The following FMN2 variants were observed in gnomAD, a reference collection of about 807,000 sequenced individuals.
The protein encoded by FMN2 is formin 2.
In FMN2, 51 loss-of-function variants were observed where a neutral mutation model predicts 142.3. The observed-to-expected ratio is 0.36, with a 90% CI of 0.29 to 0.45. The LOEUF (loss-of-function observed/expected upper bound fraction) is 0.45, where lower values mean the gene tolerates loss of function less well. Among genes scored for constraint, FMN2 ranks in the 20% least tolerant of loss-of-function variants. The pLI, the probability that FMN2 is intolerant of heterozygous loss-of-function variation, is 1.00. For missense variants in FMN2, 1,936 were observed against 2,122.8 expected, an observed-to-expected ratio of 0.91 and a Z score of 1.73; for synonymous variants, 882 against 869.8, an observed-to-expected ratio of 1.01 and a Z score of -0.25.
At chr1:240,182,112 G>C (rs1665180577) in intron 3 of FMN2, among the ~76,000 whole-genome samples, 1 of 152,156 alleles carries the variant, frequency 6.6e-6, no homozygotes, top group Non-Finnish European at 1.5e-5. Flanking sequence ...CAAGATTTGA[G>C]GGAGAGTTTT....
rs376593191 is a variant in FMN2, at chr1:240,373,115, T to C, written c.4858+17207T>C. ...AGGAGAATCGCTTGAACCCAGGAGG[T>C]GGAGTTTGCAGTGAGCCGAGATCTC... On this transcript the variant is annotated intron_variant, in intron 14 of 17. Transcript: ENST00000319653. 5.2e-3 allele frequency among the ~76,000 whole-genome samples: 783 copies of C among 149,270 alleles called. 16 individuals carry two copies. The highest frequency in any genetic ancestry group is 0.019 in the African/African-American group (753 of 40,548).
At chr1:240,184,927 TA>T (rs1665340486) in intron 3 of FMN2, among the ~76,000 whole-genome samples, 1 of 115,302 alleles carries the variant, frequency 8.7e-6, no homozygotes, top group Admixed American at 9.8e-5. Context: ...ATGTTCCCTT[TA>T]CTTTCTCCCT....
At chr1:240,363,803 C>T (rs987703739) in intron 14 of FMN2, among the ~76,000 whole-genome samples, 3 of 152,078 alleles carry the variant, frequency 2.0e-5, no homozygotes, top group Non-Finnish European at 4.4e-5. Flanking sequence ...ACCTTGTCCC[C>T]AACCCCTTTG....
chr1:240,332,128 G>T (rs1049824712), intron 11 of FMN2, among the ~76,000 whole-genome samples: 5 of 152,092 alleles, frequency 3.3e-5, no homozygotes, highest in Admixed American at 3.3e-4. Context: ...TTCCAAAATC[G>T]AATAATTCAT....
chr1:240,133,730 A>C (rs17669038), intron 2 of FMN2, among the ~76,000 whole-genome samples: 13,388 of 152,264 alleles, frequency 0.088, 665 homozygotes, highest in South Asian at 0.15. Flanking sequence ...ATAGGATGCT[A>C]TTCAGAGTTA....
intron 6 of FMN2, among the ~76,000 whole-genome samples, chr1:240,256,477 G>T (rs1476268869): frequency 6.6e-6 from 1 of 151,574 alleles, no homozygotes; most frequent in Non-Finnish European, 1.5e-5. Flanking sequence ...AGTGGTTTAT[G>T]CCTGTTATTT....
rs1558452704 is a variant in FMN2 at position 240,361,182 on chromosome 1, T to TTTAATTTATTTAATTTA, written c.4858+5274_4858+5275insTTAATTTATTTAATTTA. 1.4e-4 allele frequency among the ~76,000 whole-genome samples: 14 copies of TTTAATTTATTTAATTTA among 103,484 alleles called. No homozygotes were observed. The East Asian group carries it at 2.9e-3, about 21-fold the overall frequency. The allele number at this position is 103,484 out of a possible 152,430, so 67.9% of individuals were successfully genotyped here. On this transcript the variant is annotated intron_variant, in intron 14 of 17. Transcript: ENST00000319653. ...ATATATATATATATATATATATATATATAAAAGAGTTTAAAGAAGGAAAAA... is the reference window on the plus strand; with the variant it reads ...ATATATATATATATATATATATATATTTAATTTATTTAATTTAATAAAAGAGTTTAAAGAAGGAAAAA...
intron 15 of FMN2, among the ~76,000 whole-genome samples, chr1:240,435,300 CTTTA>C (rs1174357210): frequency 1.3e-5 from 2 of 151,568 alleles, no homozygotes; most frequent in East Asian, 3.9e-4. Flanking sequence ...AATCTATGTG[CTTTA>C]TATAACAGAG....
chr1:240,242,591 C>T (rs1253656965), intron 6 of FMN2, among the ~76,000 whole-genome samples: 1 of 152,164 alleles, frequency 6.6e-6, no homozygotes, highest in Non-Finnish European at 1.5e-5. Context: ...AGACACAGCT[C>T]TCCAAACTGA....
intron 8 of FMN2, among the ~76,000 whole-genome samples, chr1:240,316,829 C>T (rs952208378): frequency 3.3e-5 from 5 of 152,228 alleles, no homozygotes; most frequent in African/African-American, 1.2e-4. Flanking sequence ...ATGATAGCAT[C>T]TTATAAAACT....
intron 14 of FMN2, among the ~76,000 whole-genome samples, chr1:240,357,748 C>T (rs948293640): frequency 4.3e-4 from 65 of 152,016 alleles, no homozygotes; most frequent in African/African-American, 1.4e-3. Flanking sequence ...GCTGCAATTA[C>T]AGGCACCCGC....
rs1251023379 is a variant in FMN2, at chr1:240,177,938, C to G, written c.1800C>G (p.Thr600=). The part of the protein sequence containing the change: ...AASFDQDQLY[T]WAAVSQPTHS... ...AAATATAGCAAGATCAACTTTATAC[C>G]TGGGCTGCAGTTAGTCAACCCACAC... The change falls in exon 3 of 18, where the codon ACC becomes ACG. Residue 600 remains threonine (T), a synonymous_variant. Transcript: ENST00000319653. The G allele has an allele frequency of 1.3e-6, 2 of 1,576,422 alleles. No homozygotes were observed. Among genetic ancestry groups the G allele is most frequent in the African/African-American group, 2.7e-5 (2 of 73,000 alleles).
At chr1:240,164,336 C>T (rs1045164700) in intron 2 of FMN2, among the ~76,000 whole-genome samples, 6 of 152,182 alleles carry the variant, frequency 3.9e-5, no homozygotes, top group African/African-American at 1.4e-4. Context: ...TAATAAATTT[C>T]ACTTCCAAGT....
chr1:240,208,113 C>T lies in FMN2; in HGVS notation c.3301C>T (p.Pro1101Ser), dbSNP rs377496280. 1.2e-4 allele frequency: 139 copies of T among 1,176,366 alleles called. 2 individuals are homozygous for T. The highest frequency in any genetic ancestry group is 2.8e-4 in the Middle Eastern group (1 of 3,540). The allele number at this position is 1,176,366 out of a possible 1,614,324, so 72.9% of individuals were successfully genotyped here. Residue 1101 changes from proline (P) to serine (S), a missense_variant, in exon 5 of 18, where the codon CCT becomes TCT. By Grantham distance (74) the Pro-to-Ser change is moderately conservative. Coordinates refer to ENST00000319653, the MANE Select transcript of FMN2 (RefSeq NM_020066.5). ...LPGAGIPPPP[P>S]LPGVGIPPPP... ...CGGAGCGGGCATACCCCCTCCGCCC[C>T]CTCTACCCGGAGTGGGCATACCTCC...
intron 15 of FMN2, among the ~76,000 whole-genome samples, chr1:240,409,782 T>C (rs1199419875): frequency 6.6e-6 from 1 of 152,200 alleles, no homozygotes; most frequent in Non-Finnish European, 1.5e-5. Context: ...GTGATAAATC[T>C]TTATTGTCTT....
At position 240,474,548 on chromosome 1, in the gene FMN2, C is replaced by T. The variant is rs72769840; in HGVS notation, c.*394C>T. ...TACTGACAACCAGTCCTCCACATCA[C>T]AGCATTTAGACATATGGGTAAAATG... On this transcript the variant is annotated 3_prime_UTR_variant, in exon 18 of 18. Transcript: ENST00000319653. The T allele has an allele frequency of 3.4e-4, 57 of 165,612 alleles. No individual in the cohort carries two copies. Among genetic ancestry groups the T allele is most frequent in the South Asian group, 8.0e-4 (4 of 4,996 alleles). 10.3% of individuals were successfully genotyped at this position (165,612 alleles called of 1,614,324 possible).
chr1:240,178,409 G>A (rs1665014604), intron 3 of FMN2, among the ~76,000 whole-genome samples: 1 of 143,798 alleles, frequency 7.0e-6, no homozygotes, highest in Non-Finnish European at 1.5e-5. Context: ...ATGGAATATG[G>A]TTGTTTTGTC....
At chr1:240,388,200 ACT>A (rs1558466049) in intron 14 of FMN2, among the ~76,000 whole-genome samples, 1 of 80,522 alleles carries the variant, frequency 1.2e-5, no homozygotes, top group African/African-American at 4.5e-5. Context: ...AAAAAAAAAG[ACT>A]AGGAAAAAAA....
At chr1:240,119,921 C>A (rs12123774) in intron 1 of FMN2, among the ~76,000 whole-genome samples, 42,132 of 152,078 alleles carry the variant, frequency 0.28, 6,265 homozygotes, top group Non-Finnish European at 0.34. Flanking sequence ...ATACAACAAT[C>A]TACTGTTATG....
Sources: gnomAD v4.1 joint callset for allele counts (sites outside exome capture counted in the v4.1 genomes callset) on GRCh38, gnomAD v4.1.1 for gene constraint, MANE v1.5 for transcripts, NCBI Gene and HGNC (gene_info 2026-07-23, HGNC 2026-07-21) for gene names.